EYS: variants seen among roughly 807,000 people sequenced by gnomAD.
The protein encoded by EYS is EGF-like photoreceptor maintenance factor.
In EYS, 250 loss-of-function variants were observed where a neutral mutation model predicts 282.1. The observed-to-expected ratio is 0.89, with a 90% confidence interval of 0.80 to 0.98. The LOEUF is 0.98. Ranked by LOEUF, EYS falls within the 50% of genes least tolerant of loss-of-function variation. The probability of loss-of-function intolerance (pLI) is 0.00; values close to 1 mark genes in which losing one functional copy is unlikely to be tolerated. For synonymous variants in EYS, 1,355 were observed against 1,282.9 expected, an observed-to-expected ratio of 1.06 and a Z score of -1.20; for missense variants, 4,016 against 3,709.0, an observed-to-expected ratio of 1.08 and a Z score of -2.15.
At chr6:64,764,697 G>A (rs910206306) in intron 22 of EYS, among the ~76,000 whole-genome samples, 7 of 152,188 alleles carry the variant, frequency 4.6e-5, no homozygotes, top group African/African-American at 1.7e-4. Flanking sequence ...TTGTCAGGCT[G>A]CACATTTTCC....
At chr6:64,917,399 T>G (rs1236755054) in intron 15 of EYS, among the ~76,000 whole-genome samples, 1 of 152,228 alleles carries the variant, frequency 6.6e-6, no homozygotes, top group African/African-American at 2.4e-5. Context: ...TTTGAATATA[T>G]TTTGTATATT....
chr6:64,434,781 C>T (rs1022366613), intron 28 of EYS, among the ~76,000 whole-genome samples: 3 of 152,008 alleles, frequency 2.0e-5, no homozygotes, highest in Non-Finnish European at 2.9e-5. Flanking sequence ...ACAATTAGTA[C>T]TTGATATAAA....
intron 33 of EYS, among the ~76,000 whole-genome samples, chr6:64,021,265 G>T (rs1487037581): frequency 6.6e-6 from 1 of 151,992 alleles, no homozygotes; most frequent in African/African-American, 2.4e-5. Flanking sequence ...ATTTTCTTAA[G>T]CCAGGTACTG....
intron 15 of EYS, among the ~76,000 whole-genome samples, chr6:64,938,831 C>T (rs911252913): frequency 6.6e-6 from 1 of 151,506 alleles, no homozygotes; most frequent in Admixed American, 6.6e-5. Flanking sequence ...AAAAATAACC[C>T]TATTGTAAGT....
intron 2 of EYS, among the ~76,000 whole-genome samples, chr6:65,500,797 G>A (rs190888776): frequency 2.1e-4 from 32 of 151,838 alleles, no homozygotes; most frequent in African/African-American, 6.5e-4. Context: ...GTAAATAAAC[G>A]GTCAGGAATG....
At chr6:65,397,886 A>C (rs988964423) in intron 7 of EYS, among the ~76,000 whole-genome samples, 1 of 151,978 alleles carries the variant, frequency 6.6e-6, no homozygotes, top group Non-Finnish European at 1.5e-5. Flanking sequence ...GTGTGTAAGC[A>C]TACCCTTCTC....
Position 64,298,909 on chromosome 6 carries a change from A to G in EYS, c.6191+8061T>C, listed in dbSNP as rs1348812329. On this transcript the variant is annotated intron_variant, in intron 30 of 42. Coordinates refer to ENST00000503581, the MANE Select transcript of EYS (RefSeq NM_001142800.2). ...GCTAGCTTAATATCAGACAAAATAG[A>G]CTTTAAATTAAAAAATGTTAAAACC... Among the ~76,000 whole-genome samples the G allele has an allele frequency of 2.0e-5, 3 of 152,336 alleles. 1 individual carries two copies. Among genetic ancestry groups the G allele is most frequent in the Non-Finnish European group, 2.9e-5 (2 of 68,040 alleles).
intron 22 of EYS, among the ~76,000 whole-genome samples, chr6:64,679,504 C>T (rs999057398): frequency 7.2e-5 from 11 of 152,072 alleles, no homozygotes; most frequent in African/African-American, 2.4e-4. Flanking sequence ...AAGTCTAATG[C>T]ATACATTGAT....
chr6:64,503,133 C>CT (rs1777104775), intron 26 of EYS, among the ~76,000 whole-genome samples: 1 of 152,126 alleles, frequency 6.6e-6, no homozygotes. Context: ...TTGCAATTTT[C>CT]TTTTTTTACA....
chr6:64,499,018 A>G (rs1040942509), intron 26 of EYS, among the ~76,000 whole-genome samples: 7 of 152,214 alleles, frequency 4.6e-5, no homozygotes, highest in Admixed American at 3.3e-4. Flanking sequence ...CTGGTTCTAG[A>G]TCCTTGAGGA....
chr6:64,210,597 T>C (rs1413091126), intron 31 of EYS, among the ~76,000 whole-genome samples: 5 of 152,166 alleles, frequency 3.3e-5, no homozygotes, highest in Non-Finnish European at 5.9e-5. Context: ...TTTCTACACA[T>C]AGATTGTGAG....
chr6:64,011,137 C>G (rs962964490), intron 33 of EYS, among the ~76,000 whole-genome samples: 1 of 152,070 alleles, frequency 6.6e-6, no homozygotes, highest in Non-Finnish European at 1.5e-5. Flanking sequence ...CTCTTACCTT[C>G]TTTGCTGCTT....
intron 9 of EYS, among the ~76,000 whole-genome samples, chr6:65,348,893 T>G (rs577451351): frequency 6.6e-6 from 1 of 151,708 alleles, no homozygotes; most frequent in African/African-American, 2.4e-5. Flanking sequence ...TTTTTGTATA[T>G]GGTGAGAGAT....
chr6:65,581,527 G>T (rs753043119), intron 2 of EYS, among the ~76,000 whole-genome samples: 2 of 151,956 alleles, frequency 1.3e-5, no homozygotes, highest in African/African-American at 2.4e-5. Context: ...TTCAATACTT[G>T]GTGTGCCAGT....
intron 36 of EYS, among the ~76,000 whole-genome samples, chr6:63,843,116 T>G (rs1375459736): frequency 2.0e-5 from 3 of 152,182 alleles, no homozygotes; most frequent in Non-Finnish European, 4.4e-5. Flanking sequence ...CATATGAAAT[T>G]TAAAGTAGGT....
chr6:64,440,520 C>G (rs2150467446), intron 26 of EYS, among the ~76,000 whole-genome samples: 1 of 151,974 alleles, frequency 6.6e-6, no homozygotes, highest in African/African-American at 2.4e-5. Context: ...TAGTGAAGGA[C>G]AAGTTAATGA....
chr6:65,300,457 G>A (rs1052867085), intron 11 of EYS, among the ~76,000 whole-genome samples: 42 of 152,086 alleles, frequency 2.8e-4, no homozygotes, highest in African/African-American at 9.4e-4. Context: ...TTTGAGGGCA[G>A]TAGTCTTAAG....
intron 2 of EYS, among the ~76,000 whole-genome samples, chr6:65,576,140 G>C (rs1260962162): frequency 1.3e-5 from 2 of 151,932 alleles, no homozygotes; most frequent in East Asian, 3.9e-4. Flanking sequence ...GAAAATTACA[G>C]GTCAATAATC....
At chr6:65,322,062 T>G (rs1432420918) in intron 11 of EYS, among the ~76,000 whole-genome samples, 1 of 151,206 alleles carries the variant, frequency 6.6e-6, no homozygotes, top group Non-Finnish European at 1.5e-5. Context: ...AGAAAAGAGA[T>G]GGAGACGCTT....
Sources: gnomAD v4.1 joint callset for allele counts (sites outside exome capture counted in the v4.1 genomes callset) on GRCh38, gnomAD v4.1.1 for gene constraint, MANE v1.5 for transcripts, NCBI Gene and HGNC (gene_info 2026-07-23, HGNC 2026-07-21) for gene names.